The following RPS6KA6 variants were observed in gnomAD, a reference collection of about 807,000 sequenced individuals.
RPS6KA6 encodes ribosomal protein S6 kinase alpha-6.
RPS6KA6 carries 27 observed loss-of-function variants against 65.4 expected under a neutral mutation model. The ratio of observed to expected loss-of-function variants is 0.41; its 90% CI spans 0.30 to 0.57. RPS6KA6 has a LOEUF of 0.57. RPS6KA6 is among the 20% of genes least tolerant of loss of function. The pLI is 0.24. For synonymous variants in RPS6KA6, 190 were observed against 184.2 expected (o/e 1.03, Z -0.26); for missense variants, 486 against 555.6 (o/e 0.87, Z 1.26).
At chrX:84,146,160 T>C (rs2035195558) in intron 5 of RPS6KA6, among the ~76,000 whole-genome samples, 1 of 111,585 alleles carries the variant, frequency 9.0e-6, no homozygotes, top group Non-Finnish European at 1.9e-5. Flanking sequence ...ACAATAAGTG[T>C]TTACTGATGG....
chrX:84,188,422 G>C (rs2035960358), upstream of RPS6KA6, among the ~76,000 whole-genome samples: 2 of 110,600 alleles, frequency 1.8e-5, 1 homozygote, highest in South Asian at 7.7e-4. Context: ...ATAGAGGGGA[G>C]GGGGGCGTGC....
chrX:84,180,556 T>C (rs1032350596), intron 1 of RPS6KA6, among the ~76,000 whole-genome samples: 14 of 112,070 alleles, frequency 1.2e-4, no homozygotes, highest in African/African-American at 4.5e-4. Flanking sequence ...TAATATCCAA[T>C]AGAGTAATTC....
intron 2 of RPS6KA6, among the ~76,000 whole-genome samples, chrX:84,157,153 C>A (rs1450708650): frequency 9.0e-6 from 1 of 111,355 alleles, no homozygotes; most frequent in Non-Finnish European, 1.9e-5. Context: ...AGAGTATGGT[C>A]CCAAATGAGC....
intron 3 of RPS6KA6, among the ~76,000 whole-genome samples, chrX:84,151,108 T>C (rs1022456682): frequency 5.1e-5 from 5 of 98,978 alleles, no homozygotes; most frequent in Admixed American, 1.2e-4. Context: ...TAGATATATA[T>C]AGATATATAT....
At chrX:84,177,390 T>C (rs776079177) in intron 1 of RPS6KA6, among the ~76,000 whole-genome samples, 1 of 111,404 alleles carries the variant, frequency 9.0e-6, no homozygotes, top group East Asian at 2.8e-4. Flanking sequence ...GCTACTGTTA[T>C]CCCCATTTTA....
chrX:84,171,907 C>A (rs2035690209), intron 1 of RPS6KA6, among the ~76,000 whole-genome samples: 1 of 110,939 alleles, frequency 9.0e-6, no homozygotes, highest in South Asian at 3.9e-4. Flanking sequence ...TGTTCAAATC[C>A]CACTTATGAG....
chrX:84,077,958 T>G (rs1381677445), intron 20 of RPS6KA6, among the ~76,000 whole-genome samples: 1 of 112,511 alleles, frequency 8.9e-6, no homozygotes, highest in African/African-American at 3.2e-5. Context: ...ATTTGAAATC[T>G]TGCATAAGGC....
At chrX:84,074,652 GTTAA>G (rs1192466205) in intron 20 of RPS6KA6, among the ~76,000 whole-genome samples, 1 of 111,427 alleles carries the variant, frequency 9.0e-6, no homozygotes, top group Non-Finnish European at 1.9e-5. Context: ...ATTTTTATGT[GTTAA>G]TTAAAAATAA....
chrX:84,186,665 G>A (rs2035932285), intron 1 of RPS6KA6: 1 of 110,966 alleles, frequency 9.0e-6, no homozygotes, highest in African/African-American at 3.3e-5. Flanking sequence ...AAAAAAACAA[G>A]GTAATCATAC....
At chrX:84,096,656 T>C (rs1259082568) in intron 19 of RPS6KA6, among the ~76,000 whole-genome samples, 2 of 111,574 alleles carry the variant, frequency 1.8e-5, no homozygotes, top group Non-Finnish European at 3.8e-5. Context: ...CAAACAAATA[T>C]ACCTAGTAAA....
At chrX:84,158,861 T>TG (rs2035459875) in intron 2 of RPS6KA6, among the ~76,000 whole-genome samples, 1 of 111,573 alleles carries the variant, frequency 9.0e-6, no homozygotes, top group Non-Finnish European at 1.9e-5. Flanking sequence ...TGCACTTGTT[T>TG]GGGTCCCACC....
chrX:84,082,196 C>T (rs1047159955), intron 20 of RPS6KA6, among the ~76,000 whole-genome samples: 1 of 111,398 alleles, frequency 9.0e-6, no homozygotes. Context: ...TTTAGAAAAC[C>T]CCATCATCTC....
rs1184927262 is a variant in RPS6KA6 at position 84,062,942 on chromosome X, G to A, written c.*1335C>T. ...AGTAGTAGTAGTAGTAGTAGTAGTA[G>A]TAGTAGTAGTAGCAGTAGTAGCTGC... On this transcript the variant is annotated 3_prime_UTR_variant, in exon 22 of 22. Coordinates refer to ENST00000262752, the MANE Select transcript of RPS6KA6 (RefSeq NM_014496.5). 13 of 108,408 alleles carry A rather than the reference G, an allele frequency of 1.2e-4. No individual in the cohort carries two copies. The highest frequency in any genetic ancestry group is 1.0e-3 in the Admixed American group (10 of 9,884). 8.9% of individuals were successfully genotyped at this position (108,408 alleles called of 1,213,427 possible). A position where few individuals can be genotyped will look rare whatever the true frequency, so the allele number is the denominator to read the frequency against.
chrX:84,124,573 T>C (rs1255639013), intron 8 of RPS6KA6, among the ~76,000 whole-genome samples: 1 of 109,395 alleles, frequency 9.1e-6, no homozygotes, highest in Non-Finnish European at 1.9e-5. Flanking sequence ...GTGAAAATAA[T>C]TTGTGAGCTT....
chrX:84,089,586 C>T (rs765096378), intron 20 of RPS6KA6, among the ~76,000 whole-genome samples: 70 of 110,734 alleles, frequency 6.3e-4, no homozygotes, highest in African/African-American at 2.3e-3. Flanking sequence ...ACCAAAGGCC[C>T]TGGTGGCATG....
intron 1 of RPS6KA6, among the ~76,000 whole-genome samples, chrX:84,181,071 G>T (rs1191434158): frequency 9.0e-6 from 1 of 111,452 alleles, no homozygotes; most frequent in Non-Finnish European, 1.9e-5. Flanking sequence ...ACCTTTAAAT[G>T]GAATGGATTC....
intron 1 of RPS6KA6, among the ~76,000 whole-genome samples, chrX:84,170,511 T>C (rs1481906714): frequency 9.1e-6 from 1 of 110,327 alleles, no homozygotes; most frequent in Non-Finnish European, 1.9e-5. Flanking sequence ...GCACTTGTAA[T>C]CCCAGCTACT....
intron 8 of RPS6KA6, among the ~76,000 whole-genome samples, chrX:84,121,484 T>G (rs1187420664): frequency 8.9e-6 from 1 of 112,416 alleles, no homozygotes; most frequent in African/African-American, 3.2e-5. Context: ...TTCTTTTGTG[T>G]ATCACTGATC....
chrX:84,185,910 C>A, intron 1 of RPS6KA6: 1 of 344,379 alleles, frequency 2.9e-6, no homozygotes, highest in Non-Finnish European at 5.0e-6. Flanking sequence ...TAAAAACAAA[C>A]AAACTCTTCT....
Sources: gnomAD v4.1 joint callset for allele counts (sites outside exome capture counted in the v4.1 genomes callset) on GRCh38, gnomAD v4.1.1 for gene constraint, MANE v1.5 for transcripts, NCBI Gene and HGNC (gene_info 2026-07-23, HGNC 2026-07-21) for gene names.